Variants in DGKI observed in about 807,000 individuals in gnomAD.
DGKI encodes the protein diacylglycerol kinase iota.
A neutral mutation model predicts 147.5 loss-of-function variants in DGKI; 55 were observed. That is an observed-to-expected ratio of 0.37 (90% CI 0.30 to 0.47). The LOEUF (loss-of-function observed/expected upper bound fraction) is 0.47, where lower values mean the gene tolerates loss of function less well. Among genes scored for constraint, DGKI ranks in the 20% least tolerant of loss-of-function variants. The pLI is 1.00. For missense variants in DGKI, 1,007 were observed against 1,323.8 expected (o/e 0.76, Z 3.71); for synonymous variants, 469 against 477.1 (o/e 0.98, Z 0.22).
At chr7:137,722,323 C>G in intron 1 of DGKI, 1 of 1,612,616 alleles carries the variant, frequency 6.2e-7, no homozygotes, top group Non-Finnish European at 8.5e-7. Flanking sequence ...TCGCAAAATG[C>G]CTAGATATTA....
At chr7:137,748,232 A>C (rs1795400823) in intron 1 of DGKI, among the ~76,000 whole-genome samples, 1 of 152,146 alleles carries the variant, frequency 6.6e-6, no homozygotes, top group African/African-American at 2.4e-5. Context: ...TTTCTTAGTC[A>C]CTAACTATTA....
intron 21 of DGKI, among the ~76,000 whole-genome samples, chr7:137,517,218 GA>G (rs1350822474): frequency 9.9e-6 from 1 of 101,210 alleles, no homozygotes; most frequent in African/African-American, 3.8e-5. Flanking sequence ...GTAAAGAAAA[GA>G]AAAGAAAAAG....
chr7:137,756,935 C>G (rs926043391), intron 1 of DGKI, among the ~76,000 whole-genome samples: 1 of 152,172 alleles, frequency 6.6e-6, no homozygotes, highest in African/African-American at 2.4e-5. Context: ...GCCTTCTTCT[C>G]TCAACCATGT....
chr7:137,581,712 G>C (rs1819199657), intron 15 of DGKI, 138 bp downstream of exon 15: 4 of 688,154 alleles, frequency 5.8e-6, no homozygotes, highest in Non-Finnish European at 9.7e-6. Flanking sequence ...CTAGCTCCCA[G>C]AGTCATCCTG....
intron 1 of DGKI, among the ~76,000 whole-genome samples, chr7:137,789,206 A>T (rs1796769830): frequency 6.6e-6 from 1 of 152,210 alleles, no homozygotes; most frequent in Middle Eastern, 3.2e-3. Flanking sequence ...GGAGAGAGAC[A>T]TGACACTCTT....
At chr7:137,487,303 G>A (rs1489872937) in intron 22 of DGKI, among the ~76,000 whole-genome samples, 1 of 152,052 alleles carries the variant, frequency 6.6e-6, no homozygotes, top group South Asian at 2.1e-4. Context: ...ATCAGTCCCT[G>A]TTGAAATTCT....
chr7:137,695,487 A>G (rs1478909479), intron 1 of DGKI, among the ~76,000 whole-genome samples: 1 of 152,174 alleles, frequency 6.6e-6, no homozygotes, highest in Non-Finnish European at 1.5e-5. Flanking sequence ...ATCCCTCACA[A>G]TAATAAGGTA....
At position 137,457,306 on chromosome 7, in the gene DGKI, T is replaced by C. The variant is rs73730623; in HGVS notation, c.2735+6183A>G. 2.4e-3 allele frequency among the ~76,000 whole-genome samples: 359 copies of C among 152,294 alleles called. 1 individual carries two copies. The highest frequency in any genetic ancestry group is 8.3e-3 in the African/African-American group (346 of 41,556). On this transcript the variant is annotated intron_variant, in intron 27 of 32. Transcript: ENST00000614521. ...ACCTGCATCCCACTAAGAAGATTAA[T>C]TTTCTCCCGCTTATCTGATTGTGAA...
chr7:137,720,066 G>A (rs1286068378), intron 1 of DGKI, among the ~76,000 whole-genome samples: 1 of 152,052 alleles, frequency 6.6e-6, no homozygotes, highest in Admixed American at 6.5e-5. Context: ...CTTATAGTGT[G>A]CATTCATTTT....
At chr7:137,479,367 G>A (rs78874932) in intron 23 of DGKI, among the ~76,000 whole-genome samples, 3,752 of 152,002 alleles carry the variant, frequency 0.025, 59 homozygotes, top group Non-Finnish European at 0.036. Context: ...TGGAAAATAC[G>A]TTTCTTGTGC....
chr7:137,677,958 T>C (rs544790814), intron 3 of DGKI, among the ~76,000 whole-genome samples: 1 of 152,356 alleles, frequency 6.6e-6, no homozygotes, highest in African/African-American at 2.4e-5. Flanking sequence ...AAGAGAATTT[T>C]AACCCTCTAA....
intron 6 of DGKI, among the ~76,000 whole-genome samples, chr7:137,638,653 T>TGTGTGTACATATATACAA (rs1563126117): frequency 2.2e-5 from 1 of 46,302 alleles, no homozygotes; most frequent in African/African-American, 1.1e-4. Context: ...TGTATGTATA[T>TGTGTGTACATATATACAA]ACACACATAT....
At chr7:137,843,915 C>A (rs993971691) in intron 1 of DGKI, among the ~76,000 whole-genome samples, 1 of 152,016 alleles carries the variant, frequency 6.6e-6, no homozygotes, top group East Asian at 1.9e-4. Context: ...TCAAATGATC[C>A]CCCTCACGCA....
At chr7:137,487,898 T>C (rs1190824578) in intron 21 of DGKI, among the ~76,000 whole-genome samples, 6 of 152,166 alleles carry the variant, frequency 3.9e-5, no homozygotes, top group African/African-American at 7.2e-5. Flanking sequence ...TTTCCTAGCA[T>C]GATCCATGTT....
intron 1 of DGKI, among the ~76,000 whole-genome samples, chr7:137,754,882 C>A (rs1459804685): frequency 6.6e-6 from 1 of 152,128 alleles, no homozygotes; most frequent in Non-Finnish European, 1.5e-5. Context: ...CATTTGGGAG[C>A]AAAATTTAAA....
rs1366199195 is a variant in DGKI at position 137,638,466 on chromosome 7, G to GTA, written c.804+7004_804+7005dup. ...TATACACACACACATATATATGTGT[G>GTA]TATATATGTGTGTATATATATACAC... is the stretch of plus-strand genomic sequence containing the variant. On this transcript the variant is annotated intron_variant, in intron 6 of 32. Transcript: ENST00000614521. 3.3e-4 allele frequency among the ~76,000 whole-genome samples: 8 copies of GTA among 24,566 alleles called. 1 individual carries two copies. The highest frequency in any genetic ancestry group is 7.9e-4 in the African/African-American group (8 of 10,156). The allele number at this position is 24,566 out of a possible 152,430, so 16.1% of individuals were successfully genotyped here. A position where few individuals can be genotyped will look rare whatever the true frequency, so the allele number is the denominator to read the frequency against.
intron 8 of DGKI, among the ~76,000 whole-genome samples, chr7:137,615,477 T>A (rs1820497657): frequency 6.6e-6 from 1 of 152,032 alleles, no homozygotes; most frequent in Non-Finnish European, 1.5e-5. Context: ...ATTATTTATT[T>A]TGAAGCAGTA....
intron 19 of DGKI, among the ~76,000 whole-genome samples, chr7:137,553,322 T>C (rs1818114784): frequency 3.9e-5 from 6 of 152,242 alleles, no homozygotes; most frequent in Admixed American, 3.9e-4. Context: ...AATAGGTGTT[T>C]GCTTTTTATC....
rs796902464 is a variant in DGKI at position 137,691,798 on chromosome 7, G to GTTTTTTTTTTTTTTTTTTT, written c.402-1815_402-1797dup. Among the ~76,000 whole-genome samples, 33 of 95,808 alleles carry GTTTTTTTTTTTTTTTTTTT rather than the reference G, an allele frequency of 3.4e-4. 2 individuals are homozygous for GTTTTTTTTTTTTTTTTTTT. The highest frequency in any genetic ancestry group is 1.1e-3 in the South Asian group (2 of 1,900). 62.9% of individuals were successfully genotyped at this position (95,808 alleles called of 152,430 possible). ...GCTCAGCAAGTGTCTAGACCTTTGG[G>GTTTTTTTTTTTTTTTTTTT]TTTTTTTTTTTTTTTTTTTTTTTAA... On this transcript the variant is annotated intron_variant, in intron 1 of 32. Coordinates refer to ENST00000614521, the MANE Select transcript of DGKI (RefSeq NM_001321708.2).
Sources: allele counts gnomAD v4.1 joint callset (sites outside exome capture counted in the v4.1 genomes callset), GRCh38; gene constraint gnomAD v4.1.1; transcripts MANE v1.5; gene names NCBI Gene and HGNC (gene_info 2026-07-23, HGNC 2026-07-21).